Variants in RNF6 observed in about 807,000 individuals in gnomAD.
RNF6 encodes E3 ubiquitin-protein ligase RNF6.
RNF6 carries 21 observed loss-of-function variants against 50.1 expected under a neutral mutation model. The ratio of observed to expected loss-of-function variants is 0.42; its 90% CI spans 0.30 to 0.60. RNF6 has a LOEUF of 0.60. RNF6 is among the 20% of genes least tolerant of loss of function. RNF6 has a pLI of 0.20. For synonymous variants in RNF6, 255 were observed against 291.8 expected (o/e 0.87, Z 1.29); for missense variants, 698 against 838.2 (o/e 0.83, Z 2.07).
intron 5 of RNF6, among the ~76,000 whole-genome samples, chr13:26,175,603 C>G (rs1872918335): frequency 6.6e-6 from 1 of 152,110 alleles, no homozygotes; most frequent in Non-Finnish European, 1.5e-5. Context: ...AAACACTAAG[C>G]AATTGATTGC....
rs368286908 is a variant in RNF6 at position 26,218,528 on chromosome 13, T to A, written c.272A>T (p.Asp91Val). 6.2e-7 allele frequency: 1 copy of A among 1,613,582 alleles called. No individual in the cohort carries two copies. Among genetic ancestry groups the A allele is most frequent in the African/African-American group, 1.3e-5 (1 of 74,918 alleles). The change falls in exon 4 of 5, where the codon GAT becomes GTT. Residue 91 changes from aspartate to valine, a missense_variant. Physicochemically the swap from Asp to Val is radical, Grantham distance 152 (BLOSUM62 -3). Transcript: ENST00000381588. Reference protein sequence around the residue: ...EQLASQPDLRDGTNYRDSEVP... With the variant: ...EQLASQPDLRVGTNYRDSEVP... ...CATAGTACCTCTGTAATTCGTTCCA[T>A]CTCTCAAGTCAGGCTGAGATGCTAG... is the stretch of plus-strand genomic sequence containing the variant.
intron 5 of RNF6, among the ~76,000 whole-genome samples, chr13:26,173,932 A>G (rs1042990387): frequency 1.4e-5 from 2 of 142,296 alleles, no homozygotes; most frequent in African/African-American, 5.3e-5. Flanking sequence ...GCCTGGCAAC[A>G]GAGCGAGACT....
At chr13:26,192,020 A>AT (rs773098409) in intron 5 of RNF6, among the ~76,000 whole-genome samples, 3 of 152,236 alleles carry the variant, frequency 2.0e-5, no homozygotes, top group Non-Finnish European at 4.4e-5. Context: ...TTTGAGAAAT[A>AT]TTTAGCCTAA....
In RNF6 at chr13:26,151,621, CT is replaced by C. The variant is rs10682446; in HGVS notation, n.769-19171del. Among the ~76,000 whole-genome samples the C allele has an allele frequency of 1.1e-3, 151 of 139,566 alleles. 6 individuals are homozygous for C. In the South Asian group the frequency reaches 0.029, roughly 27 times the overall value. The allele number at this position is 139,566 out of a possible 152,430, so 91.6% of individuals were successfully genotyped here. A position where few individuals can be genotyped will look rare whatever the true frequency, so the allele number is the denominator to read the frequency against. ...CCTTTTCTCCTTTTTTTCTTTTTTT[CT>C]TTTTTTTTTTTTGGCAGAGGAGACA... is the stretch of plus-strand genomic sequence containing the variant. On this transcript the variant is annotated intron_variant and non_coding_transcript_variant, in intron 5 of 5. Coordinates refer to the RNF6 transcript ENST00000468480.
At chr13:26,173,319 A>T (rs556395771) in intron 5 of RNF6, among the ~76,000 whole-genome samples, 6 of 152,346 alleles carry the variant, frequency 3.9e-5, no homozygotes, top group Non-Finnish European at 8.8e-5. Context: ...CTAAATATTC[A>T]TCAACAGAGA....
chr13:26,184,018 A>ATATTTTT (rs1335766541), intron 5 of RNF6, among the ~76,000 whole-genome samples: 3 of 33,942 alleles, frequency 8.8e-5, no homozygotes, highest in African/African-American at 2.8e-4. Flanking sequence ...ATATATATAT[A>ATATTTTT]TTTTTTTTTT....
rs1283351481 is a variant in RNF6 at position 26,215,126 on chromosome 13, G to A, written c.756C>T (p.Arg252=). ...AAGIPRANAS[R]TNFSSHTNQS... is the part of the protein sequence containing the mutation. ...GGTTTGTGTGACTACTGAAATTAGT[G>A]CGTGAAGCGTTAGCTCGAGGAATGC... The change falls in exon 5 of 5, where the codon CGC becomes CGT. Residue 252 remains arginine, a synonymous_variant. Coordinates refer to ENST00000381588, the MANE Select transcript of RNF6 (RefSeq NM_005977.4). 6.2e-7 allele frequency: 1 copy of A among 1,614,158 alleles called. No individual in the cohort carries two copies. The highest frequency in any genetic ancestry group is 8.5e-7 in the Non-Finnish European group (1 of 1,180,034).
At chr13:26,184,712 C>T (rs1873432679) in intron 5 of RNF6, among the ~76,000 whole-genome samples, 1 of 152,174 alleles carries the variant, frequency 6.6e-6, no homozygotes, top group Non-Finnish European at 1.5e-5. Flanking sequence ...ATACGAGTAT[C>T]TCTGCCTTTT....
intron 5 of RNF6, among the ~76,000 whole-genome samples, chr13:26,185,283 T>C (rs1189445195): frequency 6.6e-6 from 1 of 152,178 alleles, no homozygotes; most frequent in Non-Finnish European, 1.5e-5. Context: ...GTTACAGGCA[T>C]GAGCCATCAT....
chr13:26,155,170 G>A (rs1871847504), intron 5 of RNF6, among the ~76,000 whole-genome samples: 1 of 152,138 alleles, frequency 6.6e-6, no homozygotes, highest in Non-Finnish European at 1.5e-5. Flanking sequence ...CTGGGAGGCT[G>A]AGGCAGGAGG....
chr13:26,159,981 A>T (rs1872119710), intron 5 of RNF6, among the ~76,000 whole-genome samples: 2 of 152,214 alleles, frequency 1.3e-5, no homozygotes, highest in Non-Finnish European at 2.9e-5. Context: ...CTAAAATTTT[A>T]AACAAAATCT....
At chr13:26,190,254 C>T (rs930997239) in intron 5 of RNF6, among the ~76,000 whole-genome samples, 18 of 152,130 alleles carry the variant, frequency 1.2e-4, no homozygotes, top group South Asian at 2.1e-4. Context: ...AGATTGGGCC[C>T]GCCCTGATAA....
chr13:26,156,893 G>A (rs974562802), intron 5 of RNF6, among the ~76,000 whole-genome samples: 7 of 152,150 alleles, frequency 4.6e-5, no homozygotes, highest in African/African-American at 1.7e-4. Flanking sequence ...ATAACATGGG[G>A]AGAGCATTAC....
At chr13:26,168,803 G>A (rs886242711) in intron 5 of RNF6, among the ~76,000 whole-genome samples, 8 of 152,194 alleles carry the variant, frequency 5.3e-5, no homozygotes, top group African/African-American at 1.9e-4. Flanking sequence ...CTCGATTGGA[G>A]ACTGGCCTAG....
At position 26,215,153 on chromosome 13, in the gene RNF6, A is replaced by G; in HGVS notation, c.729T>C (p.Ala243=). The change falls in exon 5 of 5, where the codon GCT becomes GCC. Residue 243 remains alanine (A), a synonymous_variant. Coordinates refer to ENST00000381588, the MANE Select transcript of RNF6 (RefSeq NM_005977.4). The part of the protein sequence containing the change: ...GRLRNGIGGA[A]GIPRANASRT... ...GTGAAGCGTTAGCTCGAGGAATGCC[A>G]GCTGCTCCCCCAATTCCATTTCTTA... 1 of 1,614,244 alleles carries G rather than the reference A, an allele frequency of 6.2e-7. No homozygotes were observed. Among genetic ancestry groups the G allele is most frequent in the Non-Finnish European group, 8.5e-7 (1 of 1,180,044 alleles).
chr13:26,149,889 TATATAC>T lies in RNF6; in HGVS notation n.769-17444_769-17439del, dbSNP rs1255473963. Reference sequence around the variant, plus strand: ...GTGTGTGTATATATATATATATATATATATACACACACACAGTGTATATATAATGTG... The same window carrying T: ...GTGTGTGTATATATATATATATATATACACACACAGTGTATATATAATGTG... On this transcript the variant is annotated intron_variant and non_coding_transcript_variant, in intron 5 of 5. Transcript: ENST00000468480. 2.5e-3 allele frequency among the ~76,000 whole-genome samples: 205 copies of T among 81,444 alleles called. 14 individuals carry two copies. The highest frequency in any genetic ancestry group is 6.3e-3 in the African/African-American group (132 of 21,116). The allele number at this position is 81,444 out of a possible 152,430, so 53.4% of individuals were successfully genotyped here. A position where few individuals can be genotyped will look rare whatever the true frequency, so the allele number is the denominator to read the frequency against.
At chr13:26,140,896 C>A (rs544028416) in intron 5 of RNF6, among the ~76,000 whole-genome samples, 2 of 152,202 alleles carry the variant, frequency 1.3e-5, no homozygotes, top group South Asian at 2.1e-4. Flanking sequence ...TGTACACACA[C>A]AAAAATACCT....
chr13:26,215,639 C>T (rs1423630654), intron 4 of RNF6, 47 bp from the exon 5 acceptor site: 2 of 1,451,898 alleles, frequency 1.4e-6, no homozygotes, highest in African/African-American at 2.8e-5. Context: ...TAAGACACAC[C>T]TTACAGCTTT....
At position 26,191,893 on chromosome 13, in the gene RNF6, G is replaced by A. The variant is rs77631085; in HGVS notation, n.768+23581C>T. Among the ~76,000 whole-genome samples, 17 of 152,342 alleles carry A rather than the reference G, an allele frequency of 1.1e-4. No individual in the cohort carries two copies. In the East Asian group the frequency reaches 3.3e-3, roughly 29 times the overall value. On this transcript the variant is annotated intron_variant and non_coding_transcript_variant, in intron 5 of 5. Transcript: ENST00000468480. Reference sequence around the variant, plus strand: ...TATTTAGGGAAAGCATTGCTATAAAGATGACATTTGAGTAAAGACTTAAAT... The same window carrying A: ...TATTTAGGGAAAGCATTGCTATAAAAATGACATTTGAGTAAAGACTTAAAT...
Sources: gnomAD v4.1 joint callset for allele counts (sites outside exome capture counted in the v4.1 genomes callset) on GRCh38, gnomAD v4.1.1 for gene constraint, MANE v1.5 for transcripts, NCBI Gene and HGNC (gene_info 2026-07-23, HGNC 2026-07-21) for gene names.